ADAMTS12: variants seen among roughly 807,000 people sequenced by gnomAD.
ADAMTS12 encodes ADAM metallopeptidase with thrombospondin type 1 motif 12.
ADAMTS12 carries 118 observed loss-of-function variants against 167.8 expected under a neutral mutation model. The ratio of observed to expected loss-of-function variants is 0.70; its 90% CI spans 0.61 to 0.82. The LOEUF (loss-of-function observed/expected upper bound fraction) is 0.82. ADAMTS12 is among the 40% of genes least tolerant of loss of function. The pLI is 0.00. For missense variants in ADAMTS12, 1,916 were observed against 1,998.8 expected (o/e 0.96, Z 0.79); for synonymous variants, 704 against 716.9 (o/e 0.98, Z 0.29).
intron 2 of ADAMTS12, among the ~76,000 whole-genome samples, chr5:33,812,036 A>G (rs1414534359): frequency 1.3e-5 from 2 of 152,214 alleles, no homozygotes; most frequent in Non-Finnish European, 2.9e-5. Flanking sequence ...CTATAATCCC[A>G]GCACTTTGGG....
Position 33,658,441 on chromosome 5 carries a change from G to C in ADAMTS12, c.1041-108C>G, listed in dbSNP as rs947456546. 14 of 1,310,380 alleles carry C rather than the reference G, an allele frequency of 1.1e-5. No individual in the cohort carries two copies. In the South Asian group the frequency reaches 2.1e-4, roughly 20 times the overall value. The allele number at this position is 1,310,380 out of a possible 1,614,324, so 81.2% of individuals were successfully genotyped here. On this transcript the variant is annotated intron_variant, in intron 6 of 23. Coordinates refer to ENST00000504830, the MANE Select transcript of ADAMTS12 (RefSeq NM_030955.4). ...ACATTCAATATGGTCTGTAAAGTAT[G>C]CTTGGCATTTTTTAAAAAGTCTACA...
At chr5:33,584,112 T>C (rs573660237) in intron 18 of ADAMTS12, among the ~76,000 whole-genome samples, 1 of 152,364 alleles carries the variant, frequency 6.6e-6, no homozygotes, top group Non-Finnish European at 1.5e-5. Context: ...TTAGTGGTTA[T>C]GTGACCTTGG....
At chr5:33,861,560 C>T (rs1749617034) in intron 2 of ADAMTS12, among the ~76,000 whole-genome samples, 1 of 152,176 alleles carries the variant, frequency 6.6e-6, no homozygotes, top group Admixed American at 6.5e-5. Flanking sequence ...GAGACTTAGA[C>T]TCCCACACGA....
At chr5:33,860,734 GA>G (rs1405273578) in intron 2 of ADAMTS12, among the ~76,000 whole-genome samples, 1 of 152,142 alleles carries the variant, frequency 6.6e-6, no homozygotes, top group African/African-American at 2.4e-5. Flanking sequence ...AGGTTGAAAT[GA>G]AGTTTCAATC....
At chr5:33,579,863 A>G (rs926056889) in intron 18 of ADAMTS12, among the ~76,000 whole-genome samples, 1 of 152,236 alleles carries the variant, frequency 6.6e-6, no homozygotes, top group Admixed American at 6.5e-5. Flanking sequence ...AATAATAGTG[A>G]TCATAACAAA....
chr5:33,704,436 G>T (rs78662291), intron 3 of ADAMTS12, among the ~76,000 whole-genome samples: 1 of 151,948 alleles, frequency 6.6e-6, no homozygotes, highest in Non-Finnish European at 1.5e-5. Context: ...GATTTACATA[G>T]TGTCTGCACC....
intron 20 of ADAMTS12, among the ~76,000 whole-genome samples, chr5:33,557,996 A>G (rs1745563122): frequency 1.3e-5 from 2 of 151,972 alleles, no homozygotes; most frequent in African/African-American, 4.8e-5. Context: ...CATCACCCCT[A>G]GATAGGACCA....
At chr5:33,724,367 T>A (rs1274449764) in intron 3 of ADAMTS12, among the ~76,000 whole-genome samples, 4 of 145,084 alleles carry the variant, frequency 2.8e-5, no homozygotes, top group Non-Finnish European at 6.0e-5. Context: ...AAAACTAACA[T>A]AACTCCCTTT....
At chr5:33,738,240 ACC>A (rs1181322365) in intron 3 of ADAMTS12, among the ~76,000 whole-genome samples, 1 of 151,756 alleles carries the variant, frequency 6.6e-6, no homozygotes, top group African/African-American at 2.4e-5. Context: ...CCTGATAAAT[ACC>A]CTTCTCCAAA....
chr5:33,642,169 C>A (rs574422596), intron 10 of ADAMTS12, among the ~76,000 whole-genome samples: 1 of 152,162 alleles, frequency 6.6e-6, no homozygotes, highest in Non-Finnish European at 1.5e-5. Context: ...GGAAACTTTA[C>A]GTTGCCTAAT....
chr5:33,590,369 A>T (rs1301701824), intron 17 of ADAMTS12, among the ~76,000 whole-genome samples: 1 of 152,186 alleles, frequency 6.6e-6, no homozygotes, highest in Non-Finnish European at 1.5e-5. Context: ...CTTAATCCTC[A>T]ATATAACAGT....
At chr5:33,762,489 C>T (rs1048735137) in intron 2 of ADAMTS12, among the ~76,000 whole-genome samples, 5 of 151,412 alleles carry the variant, frequency 3.3e-5, no homozygotes, top group Non-Finnish European at 7.4e-5. Flanking sequence ...GCCTGGGCAG[C>T]ATAGTGAGAC....
intron 2 of ADAMTS12, among the ~76,000 whole-genome samples, chr5:33,836,556 AG>A (rs1748534172): frequency 6.6e-6 from 1 of 152,206 alleles, no homozygotes; most frequent in African/African-American, 2.4e-5. Flanking sequence ...CCATTACAGC[AG>A]GGGAGGCAGA....
intron 16 of ADAMTS12, among the ~76,000 whole-genome samples, chr5:33,610,041 TG>T (rs1186421873): frequency 2.0e-5 from 3 of 151,968 alleles, no homozygotes; most frequent in African/African-American, 7.3e-5. Flanking sequence ...TAGCCAGGCA[TG>T]GTGGCGCATG....
intron 1 of ADAMTS12, among the ~76,000 whole-genome samples, chr5:33,885,507 T>G (rs912602170): frequency 1.3e-5 from 2 of 152,146 alleles, no homozygotes; most frequent in Non-Finnish European, 2.9e-5. Flanking sequence ...AAATTGTAGT[T>G]CCTGTGTTGC....
intron 16 of ADAMTS12, among the ~76,000 whole-genome samples, chr5:33,597,907 G>C (rs1440232832): frequency 6.6e-6 from 1 of 152,142 alleles, no homozygotes; most frequent in African/African-American, 2.4e-5. Context: ...AACATGAAAA[G>C]GACCGTCAGA....
chr5:33,828,821 A>C (rs1464321572), intron 2 of ADAMTS12, among the ~76,000 whole-genome samples: 1 of 152,176 alleles, frequency 6.6e-6, no homozygotes, highest in Non-Finnish European at 1.5e-5. Flanking sequence ...GTGACTCAGG[A>C]TCTTGTTGGT....
intron 13 of ADAMTS12, among the ~76,000 whole-genome samples, chr5:33,626,383 A>ATT (rs533466370): frequency 4.2e-5 from 5 of 119,080 alleles, no homozygotes; most frequent in African/African-American, 1.7e-4. Flanking sequence ...GATGGGGGTG[A>ATT]TGGTAGTGGT....
At chr5:33,699,250 A>C (rs2112293801) in intron 3 of ADAMTS12, among the ~76,000 whole-genome samples, 1 of 152,308 alleles carries the variant, frequency 6.6e-6, no homozygotes, top group South Asian at 2.1e-4. Context: ...GAACTCAGAA[A>C]TAGACCCACA....
Sources: allele counts gnomAD v4.1 joint callset (sites outside exome capture counted in the v4.1 genomes callset), GRCh38; gene constraint gnomAD v4.1.1; transcripts MANE v1.5; gene names NCBI Gene and HGNC (gene_info 2026-07-23, HGNC 2026-07-21).